FBXO41: variants seen among roughly 807,000 people sequenced by gnomAD.
FBXO41 encodes the protein F-box only protein 41.
In FBXO41, 33 loss-of-function variants were observed where a neutral mutation model predicts 81.6. That is an observed-to-expected ratio of 0.40 (90% CI 0.31 to 0.54). FBXO41 has a LOEUF of 0.54. Among genes scored for constraint, FBXO41 ranks in the 20% least tolerant of loss-of-function variants. The probability of loss-of-function intolerance (pLI) is 0.39; values close to 1 mark genes in which losing one functional copy is unlikely to be tolerated. For synonymous variants in FBXO41, 576 were observed against 552.7 expected, an observed-to-expected ratio of 1.04 and a Z score of -0.59; for missense variants, 1,107 against 1,236.0, an observed-to-expected ratio of 0.90 and a Z score of 1.56.
At chr2:73,265,163 C>A in intron 5 of FBXO41, 119 bp downstream of exon 5, 1 of 966,452 alleles carries the variant, frequency 1.0e-6, no homozygotes, top group Non-Finnish European at 1.5e-6. Flanking sequence ...CTGCCCCAGG[C>A]TTGAAGGGCG....
rs369717169 is a variant in FBXO41 at position 73,265,334 on chromosome 2, C to A, written c.1512G>T (p.Ala504=). 1 of 1,611,484 alleles carries A rather than the reference C, an allele frequency of 6.2e-7. No individual in the cohort carries two copies. Among genetic ancestry groups the A allele is most frequent in the Non-Finnish European group, 8.5e-7 (1 of 1,179,678 alleles). Residue 504 remains alanine (A), a synonymous_variant, in exon 5 of 13, where the codon GCG becomes GCT. Coordinates refer to ENST00000520530, the MANE Select transcript of FBXO41 (RefSeq NM_001371389.2). ...TESEAEGPLD[A]PRPGPAMAGP... ...CAGCCATAGCAGGCCCGGGGCGGGGCGCATCCAACGGGCCCTCAGCCTCTG... is the reference window on the plus strand; with the variant it reads ...CAGCCATAGCAGGCCCGGGGCGGGGAGCATCCAACGGGCCCTCAGCCTCTG...
rs560283551 is a variant in FBXO41, at chr2:73,256,697, C to G, written c.*2285G>C. ...CCCTCTGCCTCTAGTGCAGGTGGTG[C>G]TCAGTACTGTTGCACTAATGAATGA... On this transcript the variant is annotated 3_prime_UTR_variant, in exon 13 of 13. Coordinates refer to ENST00000520530, the MANE Select transcript of FBXO41 (RefSeq NM_001371389.2). The G allele has an allele frequency of 1.6e-4, 24 of 152,310 alleles. No individual in the cohort carries two copies. The highest frequency in any genetic ancestry group is 5.1e-4 in the African/African-American group (21 of 41,566). 9.4% of individuals were successfully genotyped at this position (152,310 alleles called of 1,614,324 possible).
rs1050633327 is a variant in FBXO41 at position 73,259,873 on chromosome 2, G to A, written c.2449+516C>T. ...GGAAAGAGGGTCAAGGCACCTTGGC[G>A]CAGTTGGCATGGGGTCCTCTCAGGA... On this transcript the variant is annotated intron_variant, in intron 11 of 12. Coordinates refer to ENST00000520530, the MANE Select transcript of FBXO41 (RefSeq NM_001371389.2). This position sits in a 1 kb window ranked among gnomAD's most constrained non-coding sequence, Gnocchi z 4.2. Among the ~76,000 whole-genome samples, 5 of 152,134 alleles carry A rather than the reference G, an allele frequency of 3.3e-5. No homozygotes were observed. Among genetic ancestry groups the A allele is most frequent in the African/African-American group, 9.7e-5 (4 of 41,414 alleles).
rs1688394130 is a variant in FBXO41 at position 73,269,136 on chromosome 2, G to C, written c.495C>G (p.Ser165=). The change falls in exon 2 of 13, where the codon TCC becomes TCG. Residue 165 remains serine, a synonymous_variant. Transcript: ENST00000520530. This position sits in a 1 kb window ranked among gnomAD's most constrained non-coding sequence, Gnocchi z 7.0. The part of the protein sequence containing the change: ...GELFARKSVA[S]SACSTPPPGP... ...CAGGCGGCGGCGTCGAGCACGCCGAGGACGCCACGGACTTGCGGGCGAACA... is the reference window on the plus strand; with the variant it reads ...CAGGCGGCGGCGTCGAGCACGCCGACGACGCCACGGACTTGCGGGCGAACA... 1 of 1,519,802 alleles carries C rather than the reference G, an allele frequency of 6.6e-7. No individual in the cohort carries two copies. Among genetic ancestry groups the C allele is most frequent in the Non-Finnish European group, 8.8e-7 (1 of 1,140,108 alleles). 94.1% of individuals were successfully genotyped at this position (1,519,802 alleles called of 1,614,324 possible).
In FBXO41 at chr2:73,257,921, T is replaced by C; in HGVS notation, c.*1061A>G. On this transcript the variant is annotated 3_prime_UTR_variant, in exon 13 of 13. Coordinates refer to ENST00000520530, the MANE Select transcript of FBXO41 (RefSeq NM_001371389.2). The surrounding 1 kb of genome is among the most constrained non-coding windows in gnomAD (Gnocchi z 4.6). Reference sequence around the variant, plus strand: ...CCTTGGCCCCATGGGTCTGGCTCCCTGCCAAGGCCACATCTTCAAGCAAGC... The same window carrying C: ...CCTTGGCCCCATGGGTCTGGCTCCCCGCCAAGGCCACATCTTCAAGCAAGC... 1 of 152,408 alleles carries C rather than the reference T, an allele frequency of 6.6e-6. No homozygotes were observed. The highest frequency in any genetic ancestry group is 1.5e-5 in the Non-Finnish European group (1 of 68,118). The allele number at this position is 152,408 out of a possible 1,614,324, so 9.4% of individuals were successfully genotyped here. A position where few individuals can be genotyped will look rare whatever the true frequency, so the allele number is the denominator to read the frequency against.
At chr2:73,276,560 C>CAGAGAGAGAGAGAGAG (rs533998261) in intron 1 of FBXO41, among the ~76,000 whole-genome samples, 67 of 106,402 alleles carry the variant, frequency 6.3e-4, no homozygotes, top group East Asian at 1.3e-3. Flanking sequence ...CAAATCTATT[C>CAGAGAGAGAGAGAGAG]AGAGAGAGAG....
At position 73,269,295 on chromosome 2, in the gene FBXO41, G is replaced by A. The variant is rs1287842071; in HGVS notation, c.336C>T (p.His112=). The A allele has an allele frequency of 6.5e-7, 1 of 1,530,330 alleles. No individual in the cohort carries two copies. The highest frequency in any genetic ancestry group is 8.8e-7 in the Non-Finnish European group (1 of 1,138,858). 94.8% of individuals were successfully genotyped at this position (1,530,330 alleles called of 1,614,324 possible). The change falls in exon 2 of 13, where the codon CAC becomes CAT. Residue 112 remains histidine, a synonymous_variant. Transcript: ENST00000520530. This position sits in a 1 kb window ranked among gnomAD's most constrained non-coding sequence, Gnocchi z 7.0. ...APHLLHHHHH[H]APLAHFPGDL... is the part of the protein sequence containing the mutation. Reference sequence around the variant, plus strand: ...CGCCGGGGAAGTGGGCGAGGGGAGCGTGGTGATGGTGGTGGTGCAGCAGGT... The same window carrying A: ...CGCCGGGGAAGTGGGCGAGGGGAGCATGGTGATGGTGGTGGTGCAGCAGGT...
rs1355434387 is a variant in FBXO41, at chr2:73,269,871, G to C, written c.-138-103C>G. The C allele has an allele frequency of 1.0e-5, 2 of 192,168 alleles. No individual in the cohort carries two copies. The highest frequency in any genetic ancestry group is 2.1e-5 in the Non-Finnish European group (2 of 95,598). The allele number at this position is 192,168 out of a possible 1,614,324, so 11.9% of individuals were successfully genotyped here. ...CCAGCCATGAGGAAATCAGCATTGA[G>C]GGGCAAGGGGAGACCTCCCAGAGGA... On this transcript the variant is annotated intron_variant, in intron 1 of 12. Coordinates refer to ENST00000520530, the MANE Select transcript of FBXO41 (RefSeq NM_001371389.2). The surrounding 1 kb of genome is among the most constrained non-coding windows in gnomAD (Gnocchi z 7.0).
Position 73,269,253 on chromosome 2 carries a change from G to T in FBXO41, c.378C>A (p.Ser126Arg), listed in dbSNP as rs1198161004. ...AHFPGDLVPA[S>R]LPCEELAEPG... is the part of the protein sequence containing the mutation. ...GCTCGGCCAACTCCTCACAGGGCAGGCTAGCGGGCACCAGGTCGCCGGGGA... is the reference window on the plus strand; with the variant it reads ...GCTCGGCCAACTCCTCACAGGGCAGTCTAGCGGGCACCAGGTCGCCGGGGA... The change falls in exon 2 of 13, where the codon AGC (serine) becomes AGA (arginine). Residue 126 changes from serine (S) to arginine (R), a missense_variant. By Grantham distance (110) the Ser-to-Arg change is moderately radical. Transcript: ENST00000520530. This position sits in a 1 kb window ranked among gnomAD's most constrained non-coding sequence, Gnocchi z 7.0. 1 of 1,530,992 alleles carries T rather than the reference G, an allele frequency of 6.5e-7. No homozygotes were observed. The highest frequency in any genetic ancestry group is 1.4e-5 in the African/African-American group (1 of 70,044). 94.8% of individuals were successfully genotyped at this position (1,530,992 alleles called of 1,614,324 possible).
chr2:73,271,150 A>C, intron 1 of FBXO41: 1 of 352,070 alleles, frequency 2.8e-6, no homozygotes, highest in East Asian at 7.6e-5. Context: ...TGTAAGCTCT[A>C]CTTCTCCATC....
intron 1 of FBXO41, among the ~76,000 whole-genome samples, chr2:73,279,454 T>G (rs779955825): frequency 1.3e-5 from 2 of 151,762 alleles, no homozygotes; most frequent in Non-Finnish European, 2.9e-5. Context: ...AGAGGGGAGC[T>G]GGGGGAAAAG....
intron 9 of FBXO41, among the ~76,000 whole-genome samples, chr2:73,262,095 T>A (rs1688039661): frequency 1.3e-5 from 2 of 152,124 alleles, no homozygotes; most frequent in Non-Finnish European, 2.9e-5. Flanking sequence ...TGGTGGCCCA[T>A]GCCTGTAGTC....
At chr2:73,265,812 G>C in intron 4 of FBXO41, 81 bp downstream of exon 4, 1 of 1,496,464 alleles carries the variant, frequency 6.7e-7, no homozygotes, top group East Asian at 2.5e-5. Flanking sequence ...GGGCAGGAGG[G>C]TGACACAAGC....
In FBXO41 at chr2:73,258,520, TGAG is replaced by T. The variant is rs1484117375; in HGVS notation, c.*459_*461del. 6.3e-6 allele frequency: 1 copy of T among 157,824 alleles called. No homozygotes were observed. Among genetic ancestry groups the T allele is most frequent in the Non-Finnish European group, 1.4e-5 (1 of 72,096 alleles). 9.8% of individuals were successfully genotyped at this position (157,824 alleles called of 1,614,324 possible). ...TGCCCCCAGAAGGCTGCAGCAAGGT[TGAG>T]GAGAAGAGCCCTCCTTGCCAAGTCT... On this transcript the variant is annotated 3_prime_UTR_variant, in exon 13 of 13. Coordinates refer to ENST00000520530, the MANE Select transcript of FBXO41 (RefSeq NM_001371389.2).
chr2:73,280,902 T>C (rs1274563103), intron 1 of FBXO41, among the ~76,000 whole-genome samples: 1 of 152,224 alleles, frequency 6.6e-6, no homozygotes, highest in Non-Finnish European at 1.5e-5. Context: ...GAGAAATTGA[T>C]TGACTTCATG....
rs1193949288 is a variant in FBXO41, at chr2:73,256,029, TA to T, written c.*2952del. 3 of 152,086 alleles carry T rather than the reference TA, an allele frequency of 2.0e-5. No individual in the cohort carries two copies. The highest frequency in any genetic ancestry group is 4.4e-5 in the Non-Finnish European group (3 of 68,034). 9.4% of individuals were successfully genotyped at this position (152,086 alleles called of 1,614,324 possible). A position where few individuals can be genotyped will look rare whatever the true frequency, so the allele number is the denominator to read the frequency against. On this transcript the variant is annotated 3_prime_UTR_variant, in exon 13 of 13. Coordinates refer to ENST00000520530, the MANE Select transcript of FBXO41 (RefSeq NM_001371389.2). ...CGGTGCTGTGGGGAAGCAGCCTGAATAAAGCATGAAGTACTTAAGCCAAGTA... is the reference window on the plus strand; with the variant it reads ...CGGTGCTGTGGGGAAGCAGCCTGAATAAGCATGAAGTACTTAAGCCAAGTA...
At position 73,269,466 on chromosome 2, in the gene FBXO41, CGCGGCGGCG is replaced by C. The variant is rs760529928; in HGVS notation, c.156_164del (p.Ala59_Ala61del). ...ACCCCGAGGCAGCGGCGGCGGCGGC[CGCGGCGGCG>C]GCGGCGCCGTCGCAGATGCTGTTGG... On this transcript the variant is annotated inframe_deletion, in exon 2 of 13. Coordinates refer to ENST00000520530, the MANE Select transcript of FBXO41 (RefSeq NM_001371389.2). This position sits in a 1 kb window ranked among gnomAD's most constrained non-coding sequence, Gnocchi z 7.0. The C allele has an allele frequency of 1.1e-4, 133 of 1,254,348 alleles. 1 individual carries two copies. The highest frequency in any genetic ancestry group is 2.6e-4 in the African/African-American group (16 of 62,528). The allele number at this position is 1,254,348 out of a possible 1,614,324, so 77.7% of individuals were successfully genotyped here.
chr2:73,261,009 C>T (rs953456438), intron 9 of FBXO41, among the ~76,000 whole-genome samples, 151 bp from the exon 10 acceptor site: 1 of 152,036 alleles, frequency 6.6e-6, no homozygotes, highest in Non-Finnish European at 1.5e-5. Flanking sequence ...TCCCTGACTC[C>T]TCTGCCCTCA....
Position 73,269,006 on chromosome 2 carries a change from C to G in FBXO41, c.625G>C (p.Ala209Pro). 6.5e-7 allele frequency: 1 copy of G among 1,538,780 alleles called. No individual in the cohort carries two copies. The highest frequency in any genetic ancestry group is 8.7e-7 in the Non-Finnish European group (1 of 1,146,382). The change falls in exon 2 of 13, where the codon GCG (alanine) becomes CCG (proline). Residue 209 changes from alanine to proline, a missense_variant. This residue lies in a region of FBXO41 where 771 missense variants were observed against 789.2 expected (regional missense o/e 0.98). Coordinates refer to ENST00000520530, the MANE Select transcript of FBXO41 (RefSeq NM_001371389.2). This position sits in a 1 kb window ranked among gnomAD's most constrained non-coding sequence, Gnocchi z 7.0. ...EEGLARLKIR[A>P]LEKLEVDRRL... ...CGGTCCACCTCCAGCTTCTCCAGCG[C>G]GCGGATCTTGAGGCGCGCCAGGCCC...
Sources: gnomAD v4.1 joint callset for allele counts (sites outside exome capture counted in the v4.1 genomes callset) on GRCh38, gnomAD v4.1.1 for gene constraint, gnomAD v4.1.1 regional missense constraint, Gnocchi (gnomAD v3.1) non-coding constraint, MANE v1.5 for transcripts, NCBI Gene and HGNC (gene_info 2026-07-23, HGNC 2026-07-21) for gene names.